The following AMPH variants were observed in gnomAD, a reference collection of about 807,000 sequenced individuals.
AMPH encodes amphiphysin (Stiff-Mann syndrome with breast cancer 128kD autoantigen).
Under a neutral mutation model 99.1 loss-of-function variants are expected in AMPH, and 49 were observed. The observed-to-expected ratio is 0.49, with a 90% CI of 0.39 to 0.63. AMPH has a LOEUF of 0.63. Among genes scored for constraint, AMPH ranks in the 20% least tolerant of loss-of-function variants. The pLI is 0.00. For synonymous variants in AMPH, 314 were observed against 317.3 expected (o/e 0.99, Z 0.11); for missense variants, 759 against 863.4 (o/e 0.88, Z 1.52).
intron 3 of AMPH, among the ~76,000 whole-genome samples, chr7:38,501,766 CAAATAAATAAATAAAT>C (rs3056240): frequency 1.4e-4 from 21 of 148,176 alleles, no homozygotes; most frequent in African/African-American, 4.2e-4. Context: ...AAAAGCATAC[CAAATAAATAAATAAAT>C]AAATAAATAA....
intron 2 of AMPH, among the ~76,000 whole-genome samples, chr7:38,510,958 A>G (rs10246369): frequency 0.99 from 150,088 of 152,266 alleles, 73,982 homozygotes; most frequent in East Asian, 1. Flanking sequence ...TTAAGTCTAC[A>G]GGCTCTGAGA....
At chr7:38,446,317 C>A (rs61552847) in intron 11 of AMPH, among the ~76,000 whole-genome samples, 8,637 of 152,130 alleles carry the variant, frequency 0.057, 638 homozygotes, top group East Asian at 0.35. Flanking sequence ...TAGGTATTCG[C>A]CCAAGAGAAA....
rs754062522 is a variant in AMPH at position 38,494,500 on chromosome 7, G to A, written c.233C>T (p.Thr78Ile). 3.7e-6 allele frequency: 6 copies of A among 1,613,978 alleles called. No homozygotes were observed. The highest frequency in any genetic ancestry group is 1.7e-4 in the Middle Eastern group (1 of 6,060). ...CTCATAGACTTCATGCAGCGACTCT[G>A]TGAGCTTCATGGAGGCCTCCTGCAT... ...KGMQEASMKL[T>I]ESLHEVYEPD... Residue 78 changes from threonine to isoleucine, a missense_variant, in exon 4 of 21, where the codon ACA becomes ATA. Thr to Ile is a moderately conservative substitution (Grantham distance 89, BLOSUM62 -1). Around this residue, in one of 2 missense-constraint regions of AMPH, gnomAD observed 205 missense variants for 287.9 expected, o/e 0.71. Transcript: ENST00000356264.
intron 11 of AMPH, among the ~76,000 whole-genome samples, chr7:38,457,464 G>A (rs1450103404): frequency 6.6e-6 from 1 of 152,196 alleles, no homozygotes; most frequent in Non-Finnish European, 1.5e-5. Flanking sequence ...ACAGATGAAA[G>A]CATCTCAGAA....
At chr7:38,461,481 G>T (rs1024487062) in intron 10 of AMPH, 70 bp from the exon 11 acceptor site, 64 of 1,584,812 alleles carry the variant, frequency 4.0e-5, no homozygotes, top group Non-Finnish European at 5.2e-5. Flanking sequence ...AAGGTCACAT[G>T]AACAGAGCTA....
At chr7:38,572,615 G>A (rs1172348224) in intron 1 of AMPH, among the ~76,000 whole-genome samples, 1 of 152,164 alleles carries the variant, frequency 6.6e-6, no homozygotes, top group Non-Finnish European at 1.5e-5. Flanking sequence ...TTATTAATGA[G>A]CCCAAGGGCC....
intron 17 of AMPH, among the ~76,000 whole-genome samples, chr7:38,406,475 A>G (rs993390231): frequency 3.3e-5 from 5 of 152,182 alleles, no homozygotes; most frequent in Non-Finnish European, 5.9e-5. Flanking sequence ...CTGCTATAAT[A>G]ATTAATATTA....
At chr7:38,491,539 A>G (rs1246642088) in intron 4 of AMPH, among the ~76,000 whole-genome samples, 1 of 152,152 alleles carries the variant, frequency 6.6e-6, no homozygotes, top group Non-Finnish European at 1.5e-5. Context: ...CAAACAACAA[A>G]TCATTTCTGA....
chr7:38,574,234 A>C (rs1346493521), intron 1 of AMPH, among the ~76,000 whole-genome samples: 2 of 152,222 alleles, frequency 1.3e-5, no homozygotes, highest in Non-Finnish European at 2.9e-5. Flanking sequence ...GCCAGACGAC[A>C]GAGATGAAGC....
At chr7:38,575,859 G>C (rs189157952) in intron 1 of AMPH, among the ~76,000 whole-genome samples, 7 of 152,266 alleles carry the variant, frequency 4.6e-5, no homozygotes, top group South Asian at 2.1e-4. Context: ...ATTCCTAAGG[G>C]GAATTCACCT....
At chr7:38,468,146 G>C (rs1787736812) in intron 7 of AMPH, among the ~76,000 whole-genome samples, 1 of 152,146 alleles carries the variant, frequency 6.6e-6, no homozygotes, top group African/African-American at 2.4e-5. Flanking sequence ...GGTCGCACTA[G>C]ACTGGGCCAC....
chr7:38,626,752 G>C (rs1794257249), intron 1 of AMPH, among the ~76,000 whole-genome samples: 1 of 151,810 alleles, frequency 6.6e-6, no homozygotes, highest in African/African-American at 2.4e-5. Flanking sequence ...ATCAGAGTGG[G>C]AGAAAATTTT....
intron 18 of AMPH, among the ~76,000 whole-genome samples, chr7:38,392,914 C>A (rs1333440508): frequency 2.0e-5 from 3 of 152,222 alleles, no homozygotes; most frequent in African/African-American, 4.8e-5. Context: ...CACACCTCCA[C>A]AATCCACTCC....
chr7:38,530,227 G>GTC (rs1790343816), intron 2 of AMPH, among the ~76,000 whole-genome samples: 1 of 152,216 alleles, frequency 6.6e-6, no homozygotes, highest in Non-Finnish European at 1.5e-5. Flanking sequence ...TGTCCAGGAG[G>GTC]TGTGAGTTCA....
chr7:38,476,724 A>G, intron 6 of AMPH, 138 bp downstream of exon 6: 1 of 596,660 alleles, frequency 1.7e-6, no homozygotes, highest in Non-Finnish European at 2.9e-6. Context: ...TAAAAATAAT[A>G]AAAAGCACTA....
intron 2 of AMPH, among the ~76,000 whole-genome samples, chr7:38,515,688 G>T (rs916106431): frequency 6.6e-6 from 1 of 152,188 alleles, no homozygotes; most frequent in Admixed American, 6.5e-5. Context: ...TTTGGAACTG[G>T]GTATTGGGTA....
intron 7 of AMPH, 80 bp from the exon 8 acceptor site, chr7:38,466,328 G>A (rs1584128695): frequency 8.7e-7 from 1 of 1,155,070 alleles, no homozygotes; most frequent in Non-Finnish European, 1.2e-6. Flanking sequence ...GCAATGAAAT[G>A]TATGAAAACC....
intron 1 of AMPH, among the ~76,000 whole-genome samples, chr7:38,626,916 C>A (rs1168565206): frequency 4.6e-5 from 7 of 152,312 alleles, no homozygotes; most frequent in African/African-American, 1.7e-4. Context: ...TAACTGCACA[C>A]ATAAAAATGT....
rs143836466 is a variant in AMPH, at chr7:38,494,496, C to T, written c.237G>A (p.Glu79=). 79 of 1,613,872 alleles carry T rather than the reference C, an allele frequency of 4.9e-5. No individual in the cohort carries two copies. Among genetic ancestry groups the T allele is most frequent in the Non-Finnish European group, 6.6e-5 (78 of 1,179,906 alleles). The change falls in exon 4 of 21, where the codon GAG becomes GAA. Residue 79 remains glutamate, a synonymous_variant. Transcript: ENST00000356264. The part of the protein sequence containing the change: ...GMQEASMKLT[E]SLHEVYEPDW... ...CAGGCTCATAGACTTCATGCAGCGA[C>T]TCTGTGAGCTTCATGGAGGCCTCCT...
Sources: gnomAD v4.1 joint callset for allele counts (sites outside exome capture counted in the v4.1 genomes callset) on GRCh38, gnomAD v4.1.1 for gene constraint, gnomAD v4.1.1 regional missense constraint, MANE v1.5 for transcripts, NCBI Gene and HGNC (gene_info 2026-07-23, HGNC 2026-07-21) for gene names.